PTPRM: variants seen among roughly 807,000 people sequenced by gnomAD.
PTPRM encodes receptor-type tyrosine-protein phosphatase mu.
PTPRM carries 47 observed loss-of-function variants against 186.7 expected under a neutral mutation model. The ratio of observed to expected loss-of-function variants is 0.25; its 90% CI spans 0.20 to 0.32. The LOEUF is 0.32. Ranked by LOEUF, PTPRM falls within the 10% of genes least tolerant of loss-of-function variation. PTPRM has a pLI of 1.00. For missense variants in PTPRM, 1,494 were observed against 1,865.0 expected (o/e 0.80, Z 3.66); for synonymous variants, 668 against 674.9 (o/e 0.99, Z 0.16).
intron 20 of PTPRM, among the ~76,000 whole-genome samples, chr18:8,314,393 T>A (rs1355642794): frequency 3.3e-5 from 5 of 152,210 alleles, no homozygotes; most frequent in African/African-American, 9.7e-5. Flanking sequence ...TTTGTAATCA[T>A]CATTTGTCAA....
chr18:7,874,116 T>A (rs78677912), intron 2 of PTPRM, among the ~76,000 whole-genome samples: 6,144 of 149,556 alleles, frequency 0.041, 231 homozygotes, highest in African/African-American at 0.1. Flanking sequence ...GGAAAAGTTT[T>A]AAAAAAAAAA....
intron 7 of PTPRM, among the ~76,000 whole-genome samples, chr18:8,063,777 A>G (rs1225638097): frequency 6.6e-6 from 1 of 152,220 alleles, no homozygotes; most frequent in Non-Finnish European, 1.5e-5. Context: ...ATTTATCCTG[A>G]AAGACTTGGT....
At chr18:7,720,103 T>C (rs937867688) in intron 1 of PTPRM, among the ~76,000 whole-genome samples, 3 of 152,172 alleles carry the variant, frequency 2.0e-5, no homozygotes, top group South Asian at 2.1e-4. Context: ...TGGATAGTTA[T>C]AATTTGTTCT....
At chr18:8,227,565 A>G (rs2094229592) in intron 14 of PTPRM, among the ~76,000 whole-genome samples, 1 of 152,206 alleles carries the variant, frequency 6.6e-6, no homozygotes, top group African/African-American at 2.4e-5. Flanking sequence ...TCAGGCCCCC[A>G]TTGTCCTATG....
At chr18:7,578,332 A>ATTTTT (rs34096793) in intron 1 of PTPRM, among the ~76,000 whole-genome samples, 1 of 121,554 alleles carries the variant, frequency 8.2e-6, no homozygotes. Context: ...TGGCTAATTA[A>ATTTTT]TTTTTTTTTT....
intron 14 of PTPRM, among the ~76,000 whole-genome samples, chr18:8,159,108 A>G (rs2093179244): frequency 6.6e-6 from 1 of 152,148 alleles, no homozygotes; most frequent in East Asian, 1.9e-4. Context: ...ATTTAGATTC[A>G]TTTATAGAAA....
At chr18:8,048,620 G>T (rs747937149) in intron 7 of PTPRM, among the ~76,000 whole-genome samples, 4 of 151,698 alleles carry the variant, frequency 2.6e-5, no homozygotes, top group Non-Finnish European at 5.9e-5. Flanking sequence ...AAACACAGAA[G>T]AATAATTACA....
chr18:7,775,669 T>G (rs569513021), intron 2 of PTPRM, among the ~76,000 whole-genome samples: 4 of 152,334 alleles, frequency 2.6e-5, no homozygotes, highest in African/African-American at 9.6e-5. Flanking sequence ...TTACTCTTGC[T>G]TTGTCTATTA....
At chr18:7,670,975 TA>T (rs1163756961) in intron 1 of PTPRM, among the ~76,000 whole-genome samples, 1 of 152,232 alleles carries the variant, frequency 6.6e-6, no homozygotes, top group African/African-American at 2.4e-5. Flanking sequence ...ATTATAACAT[TA>T]CATTTTTGTC....
chr18:7,708,251 AAC>A (rs1167945998), intron 1 of PTPRM, among the ~76,000 whole-genome samples: 1 of 152,234 alleles, frequency 6.6e-6, no homozygotes, highest in Non-Finnish European at 1.5e-5. Context: ...GTCTGTGTTT[AAC>A]TATACATCAA....
At position 7,968,212 on chromosome 18, in the gene PTPRM, C is replaced by T. The variant is rs1348235428; in HGVS notation, c.1132+12798C>T. ...TTTCATATCCAGCCAAACTAAGCTT[C>T]ATAAGTGAAGAAGAAATAAAATACT... On this transcript the variant is annotated intron_variant, in intron 7 of 32. Transcript: ENST00000580170. Among the ~76,000 whole-genome samples the T allele has an allele frequency of 2.9e-5, 3 of 104,944 alleles. 1 individual carries two copies. The highest frequency in any genetic ancestry group is 1.3e-4 in the African/African-American group (3 of 23,812). 68.8% of individuals were successfully genotyped at this position (104,944 alleles called of 152,430 possible).
Position 7,852,577 on chromosome 18 carries a change from G to A in PTPRM, c.197-35529G>A, listed in dbSNP as rs1299508331. Among the ~76,000 whole-genome samples the A allele has an allele frequency of 3.3e-5, 5 of 151,968 alleles. No individual in the cohort carries two copies. The East Asian group carries it at 5.8e-4, about 18-fold the overall frequency. ...GTGGCGGGCGCCTGTAGTTCTAGCT[G>A]CTTGGAAGGCTGAGGCAGGAGAATG... On this transcript the variant is annotated intron_variant, in intron 2 of 32. Coordinates refer to ENST00000580170, the MANE Select transcript of PTPRM (RefSeq NM_001105244.2).
At chr18:7,697,329 A>G (rs1295362383) in intron 1 of PTPRM, among the ~76,000 whole-genome samples, 2 of 152,194 alleles carry the variant, frequency 1.3e-5, no homozygotes, top group African/African-American at 4.8e-5. Context: ...TAGAATTAAA[A>G]TGTACCCCTT....
intron 23 of PTPRM, among the ~76,000 whole-genome samples, chr18:8,358,598 C>T (rs182396348): frequency 6.6e-6 from 1 of 152,176 alleles, no homozygotes; most frequent in Non-Finnish European, 1.5e-5. Flanking sequence ...ATCAGGTGAC[C>T]TCTCCGCCTA....
chr18:8,150,697 G>T (rs960876420), intron 14 of PTPRM, among the ~76,000 whole-genome samples: 2 of 152,208 alleles, frequency 1.3e-5, no homozygotes, highest in African/African-American at 4.8e-5. Flanking sequence ...TGCTGGCGAG[G>T]AATTATGATC....
intron 3 of PTPRM, among the ~76,000 whole-genome samples, chr18:7,902,269 GA>G (rs1382775541): frequency 2.6e-5 from 4 of 152,162 alleles, no homozygotes; most frequent in African/African-American, 9.7e-5. Flanking sequence ...AGACTGAGGG[GA>G]GCAAATAAAA....
chr18:7,865,709 T>TA (rs1268934500), intron 2 of PTPRM, among the ~76,000 whole-genome samples: 1 of 152,214 alleles, frequency 6.6e-6, no homozygotes, highest in African/African-American at 2.4e-5. Context: ...TAAAATGAGT[T>TA]ACGGAGGATT....
intron 20 of PTPRM, among the ~76,000 whole-genome samples, chr18:8,300,712 C>T (rs192256408): frequency 2.6e-5 from 4 of 152,196 alleles, no homozygotes; most frequent in Non-Finnish European, 5.9e-5. Context: ...TAGCCCCCAC[C>T]GCCCTCCATC....
chr18:8,242,638 T>C (rs2094442885), intron 14 of PTPRM, among the ~76,000 whole-genome samples: 1 of 152,230 alleles, frequency 6.6e-6, no homozygotes, highest in African/African-American at 2.4e-5. Context: ...AAAATATGTC[T>C]CTTTTCTAAC....
Sources: allele counts gnomAD v4.1 joint callset (sites outside exome capture counted in the v4.1 genomes callset), GRCh38; gene constraint gnomAD v4.1.1; transcripts MANE v1.5; gene names NCBI Gene and HGNC (gene_info 2026-07-23, HGNC 2026-07-21).